The following SCUBE2 variants were observed in gnomAD, a reference collection of about 807,000 sequenced individuals.
The protein encoded by SCUBE2 is signal peptide, CUB domain and EGF like domain containing 2.
In SCUBE2, 114 loss-of-function variants were observed where a neutral mutation model predicts 125.9. The ratio of observed to expected loss-of-function variants is 0.91; its 90% CI spans 0.78 to 1.06. SCUBE2 has a LOEUF of 1.06. Ranked by LOEUF, SCUBE2 falls within the 50% of genes least tolerant of loss-of-function variation. The pLI, the probability that SCUBE2 is intolerant of heterozygous loss-of-function variation, is 0.00. For missense variants in SCUBE2, 1,255 were observed against 1,301.8 expected (o/e 0.96, Z 0.55); for synonymous variants, 459 against 492.9 (o/e 0.93, Z 0.91).
intron 6 of SCUBE2, among the ~76,000 whole-genome samples, chr11:9,066,263 A>G (rs1371288690): frequency 6.6e-6 from 1 of 152,226 alleles, no homozygotes; most frequent in African/African-American, 2.4e-5. Flanking sequence ...AGTCGAGGAG[A>G]AAAAGAGCCT....
At chr11:9,063,659 C>T (rs1285202595) in intron 7 of SCUBE2, among the ~76,000 whole-genome samples, 3 of 152,196 alleles carry the variant, frequency 2.0e-5, no homozygotes, top group Admixed American at 1.3e-4. Flanking sequence ...TCTCATTCGC[C>T]GGATAAACTA....
At chr11:9,087,384 C>A (rs1347362559) in intron 2 of SCUBE2, among the ~76,000 whole-genome samples, 1 of 152,146 alleles carries the variant, frequency 6.6e-6, no homozygotes, top group African/African-American at 2.4e-5. Context: ...GTTTCCAAAG[C>A]AGGGTACCAA....
rs1437477932 is a variant in SCUBE2, at chr11:9,059,293, C to T, written c.1090+10G>A. ...CCATTGCGCAGCACAGCTATGTTTT[C>T]AGCACATACCTTGGCAAGACTTCTC... On this transcript the variant is annotated intron_variant, in intron 9 of 22. Transcript: ENST00000649792. 3 of 1,613,572 alleles carry T rather than the reference C, an allele frequency of 1.9e-6. No individual in the cohort carries two copies. The highest frequency in any genetic ancestry group is 2.5e-6 in the Non-Finnish European group (3 of 1,179,762).
chr11:9,021,931 T>A lies in SCUBE2; in HGVS notation c.2879A>T (p.Asp960Val). 6.2e-7 allele frequency: 1 copy of A among 1,613,842 alleles called. No homozygotes were observed. Among genetic ancestry groups the A allele is most frequent in the Non-Finnish European group, 8.5e-7 (1 of 1,179,696 alleles). ...ATAGAGCCTGCCATCTCGAACTATG[T>A]CTTCAATGAGTTCCTGGTAGTCCTC... ...YDEDYQELIEDIVRDGRLYAS... is the reference protein window; with the variant it reads ...YDEDYQELIEVIVRDGRLYAS... The change falls in exon 22 of 23, where the codon GAC (aspartate) becomes GTC (valine). Residue 960 changes from aspartate to valine, a missense_variant. Asp to Val is a radical substitution (Grantham distance 152, BLOSUM62 -3). This residue lies in a region of SCUBE2 where 515 missense variants were observed against 515.7 expected (regional missense o/e 1.00). Transcript: ENST00000649792.
chr11:9,089,631 CA>C, intron 2 of SCUBE2, 75 bp downstream of exon 2: 1 of 1,533,130 alleles, frequency 6.5e-7, no homozygotes, highest in Non-Finnish European at 8.9e-7. Context: ...CTTTTACCAA[CA>C]TAAGTGGCCA....
At chr11:9,035,583 G>A (rs1210494011) in intron 16 of SCUBE2, among the ~76,000 whole-genome samples, 1 of 152,134 alleles carries the variant, frequency 6.6e-6, no homozygotes, top group Non-Finnish European at 1.5e-5. Context: ...TCCAGTGTCT[G>A]TAACAAGGGA....
intron 21 of SCUBE2, 38 bp downstream of exon 21, chr11:9,025,664 C>T: frequency 1.2e-6 from 2 of 1,610,688 alleles, no homozygotes; most frequent in Non-Finnish European, 1.7e-6. Context: ...CTGTTCAAAG[C>T]AGAGACGCTC....
Position 9,029,989 on chromosome 11 carries a change from G to C in SCUBE2, c.2398C>G (p.Pro800Ala), listed in dbSNP as rs1270173237. The C allele has an allele frequency of 1.2e-6, 2 of 1,614,076 alleles. No homozygotes were observed. Among genetic ancestry groups the C allele is most frequent in the Non-Finnish European group, 1.7e-6 (2 of 1,180,054 alleles). ...AATTCAGGCTGGTATGTTCCCACTGGGCAACGAATACATCGGTGAGTGGTG... is the reference window on the plus strand; with the variant it reads ...AATTCAGGCTGGTATGTTCCCACTGCGCAACGAATACATCGGTGAGTGGTG... ...NTTTHRCIRC[P>A]VGTYQPEFGK... Residue 800 changes from proline to alanine, a missense_variant, in exon 19 of 23, where the codon CCA (proline) becomes GCA (alanine). This residue lies in a region of SCUBE2 where 515 missense variants were observed against 515.7 expected (regional missense o/e 1.00). Transcript: ENST00000649792.
intron 15 of SCUBE2, 49 bp from the exon 16 acceptor site, chr11:9,047,611 G>A (rs753116010): frequency 1.9e-5 from 30 of 1,558,924 alleles, no homozygotes; most frequent in East Asian, 1.4e-4. Context: ...AGGCTGCAGC[G>A]TGTGACAATG....
chr11:9,086,463 A>G (rs1862071280), intron 2 of SCUBE2, among the ~76,000 whole-genome samples: 2 of 152,334 alleles, frequency 1.3e-5, no homozygotes, highest in African/African-American at 2.4e-5. Context: ...TTGTATATCT[A>G]CATCTTTGAA....
At chr11:9,066,930 C>T in intron 5 of SCUBE2, 117 bp from the exon 6 acceptor site, 1 of 791,758 alleles carries the variant, frequency 1.3e-6, no homozygotes, top group Non-Finnish European at 2.2e-6. Flanking sequence ...CTAGTGCATG[C>T]CAGGCATGGT....
chr11:9,051,774 C>G (rs988624177), intron 13 of SCUBE2, among the ~76,000 whole-genome samples: 1 of 152,202 alleles, frequency 6.6e-6, no homozygotes, highest in Non-Finnish European at 1.5e-5. Flanking sequence ...AAATGTTTAG[C>G]TCCTTGCCTG....
rs1672933079 is a variant in SCUBE2, at chr11:9,053,207, CCTTCA to C, written c.1334_1338del (p.Val445GlyfsTer17). ...GGTGACACACTTGTGGGCAGGAGCCCCTTCACTTCTAGACAGGACAAAACAGACAC... is the reference window on the plus strand; with the variant it reads ...GGTGACACACTTGTGGGCAGGAGCCCCTTCTAGACAGGACAAAACAGACAC... On this transcript the variant is annotated frameshift_variant, in exon 12 of 23. Coordinates refer to ENST00000649792, the MANE Select transcript of SCUBE2 (RefSeq NM_001367977.2). LOFTEE classifies it high-confidence loss of function. 1.2e-6 allele frequency: 2 copies of C among 1,613,704 alleles called. No homozygotes were observed. The highest frequency in any genetic ancestry group is 1.7e-6 in the Non-Finnish European group (2 of 1,179,698).
chr11:9,027,469 A>G lies in SCUBE2; in HGVS notation c.2596T>C (p.Trp866Arg). The change falls in exon 20 of 23, where the codon TGG becomes CGG. Residue 866 changes from tryptophan (W) to arginine (R), a missense_variant. Transcript: ENST00000649792. ...CGCTTGGGGGGTGGGTTGATGGTCC[A>G]CGTACACTCGGTGTTGGCTGGGTAA... ...GNYPANTECT[W>R]TINPPPKRRI... 6.2e-7 allele frequency: 1 copy of G among 1,614,062 alleles called. No individual in the cohort carries two copies. The highest frequency in any genetic ancestry group is 8.5e-7 in the Non-Finnish European group (1 of 1,180,002).
Position 9,089,824 on chromosome 11 carries a change from C to T in SCUBE2, c.139G>A (p.Asp47Asn). 6.2e-7 allele frequency: 1 copy of T among 1,613,660 alleles called. No homozygotes were observed. The highest frequency in any genetic ancestry group is 8.5e-7 in the Non-Finnish European group (1 of 1,179,744). ...GRAAGPQEDV[D>N]ECAQGLDDCH... The stretch of plus-strand genomic sequence containing the variant: ...TCATCTAGCCCTTGGGCACACTCAT[C>T]TACATCTGCAAAAGAGCACAGCTGA... Residue 47 changes from aspartate to asparagine, a missense_variant, in exon 2 of 23, where the codon GAT (aspartate) becomes AAT (asparagine). Coordinates refer to ENST00000649792, the MANE Select transcript of SCUBE2 (RefSeq NM_001367977.2).
intron 2 of SCUBE2, among the ~76,000 whole-genome samples, chr11:9,084,065 G>A (rs1325608136): frequency 2.0e-5 from 3 of 152,128 alleles, no homozygotes; most frequent in African/African-American, 7.2e-5. Context: ...TCCATTAAAA[G>A]GAATCAGAGC....
In SCUBE2 at chr11:9,047,452, C is replaced by T; in HGVS notation, c.1906G>A (p.Gly636Ser). 1 of 1,614,092 alleles carries T rather than the reference C, an allele frequency of 6.2e-7. No homozygotes were observed. Among genetic ancestry groups the T allele is most frequent in the South Asian group, 1.1e-5 (1 of 91,068 alleles). The change falls in exon 16 of 23, where the codon GGC (glycine) becomes AGC (serine). Residue 636 changes from glycine (G) to serine (S), a missense_variant. Physicochemically the swap from Gly to Ser is moderately conservative, Grantham distance 56. This residue lies in a region of SCUBE2 where 515 missense variants were observed against 515.7 expected (regional missense o/e 1.00). Transcript: ENST00000649792. ...HREQFHLQLS[G>S]MNLDVAKKPP... is the part of the protein sequence containing the mutation. ...TTTTTAGCCACGTCGAGGTTCATGC[C>T]TGAGAGCTGGAGGTGAAACTGCTCC...
In SCUBE2 at chr11:9,048,052, T is replaced by C. The variant is rs557366874; in HGVS notation, c.1686A>G (p.Thr562=). 12 of 1,614,078 alleles carry C rather than the reference T, an allele frequency of 7.4e-6. No homozygotes were observed. The highest frequency in any genetic ancestry group is 2.2e-5 in the East Asian group (1 of 44,898). Residue 562 remains threonine (T), a synonymous_variant, in exon 15 of 23, where the codon ACA becomes ACG. Coordinates refer to ENST00000649792, the MANE Select transcript of SCUBE2 (RefSeq NM_001367977.2). The part of the protein sequence containing the change: ...VKESFRYVNL[T]CSSGKQVPGA... ...CTGGGACTTGCTTGCCAGAGCTGCA[T>C]GTAAGGTTTACGTAGCGGAAGCTCT...
intron 9 of SCUBE2, among the ~76,000 whole-genome samples, chr11:9,058,996 C>A (rs1859391097): frequency 6.6e-6 from 1 of 152,108 alleles, no homozygotes; most frequent in African/African-American, 2.4e-5. Context: ...ATCTCAACAC[C>A]CCACTGGAAC....
Sources: gnomAD v4.1 joint callset for allele counts (sites outside exome capture counted in the v4.1 genomes callset) on GRCh38, gnomAD v4.1.1 for gene constraint, gnomAD v4.1.1 regional missense constraint, MANE v1.5 for transcripts, NCBI Gene and HGNC (gene_info 2026-07-23, HGNC 2026-07-21) for gene names.